Variants in LRMDA observed in about 807,000 individuals in gnomAD.
LRMDA encodes leucine-rich melanocyte differentiation-associated protein.
LRMDA carries 18 observed loss-of-function variants against 29.8 expected under a neutral mutation model. The ratio of observed to expected loss-of-function variants is 0.60; its 90% CI spans 0.42 to 0.90. LRMDA has a LOEUF of 0.90. Among genes scored for constraint, LRMDA ranks in the 40% least tolerant of loss-of-function variants. LRMDA has a pLI of 0.00. For synonymous variants in LRMDA, 125 were observed against 109.4 expected, an observed-to-expected ratio of 1.14 and a Z score of -0.89; for missense variants, 273 against 273.9, an observed-to-expected ratio of 1.00 and a Z score of 0.02.
At chr10:75,952,225 G>GT (rs1185190578) in intron 2 of LRMDA, among the ~76,000 whole-genome samples, 1 of 151,968 alleles carries the variant, frequency 6.6e-6, no homozygotes, top group African/African-American at 2.4e-5. Context: ...TCTTTCCTTG[G>GT]TTTTACCACG....
intron 5 of LRMDA, among the ~76,000 whole-genome samples, chr10:76,140,723 G>T (rs1321576302): frequency 6.6e-6 from 1 of 151,976 alleles, no homozygotes; most frequent in African/African-American, 2.4e-5. Flanking sequence ...TCTCTCATTT[G>T]AAGCTTCTCG....
chr10:76,466,598 C>T (rs974219295), intron 6 of LRMDA, among the ~76,000 whole-genome samples: 4 of 152,066 alleles, frequency 2.6e-5, no homozygotes, highest in African/African-American at 9.7e-5. Context: ...GAGTTTGAGA[C>T]CAGCCTGGGC....
chr10:75,653,081 C>G (rs182309868), intron 2 of LRMDA, among the ~76,000 whole-genome samples: 67 of 152,312 alleles, frequency 4.4e-4, no homozygotes, highest in African/African-American at 1.5e-3. Context: ...CCCACTCTGG[C>G]TTTAATGGAC....
chr10:75,781,343 A>C (rs1843380569), intron 2 of LRMDA, among the ~76,000 whole-genome samples: 2 of 152,200 alleles, frequency 1.3e-5, no homozygotes, highest in Non-Finnish European at 2.9e-5. Flanking sequence ...GACTCCTTTC[A>C]GACAGCTGCA....
chr10:75,984,306 G>C (rs938939616), intron 2 of LRMDA, among the ~76,000 whole-genome samples: 1 of 152,206 alleles, frequency 6.6e-6, no homozygotes, highest in African/African-American at 2.4e-5. Context: ...CCAGCAGGTG[G>C]AGGAGGAGAA....
chr10:76,002,259 T>C (rs1332900349), intron 2 of LRMDA, among the ~76,000 whole-genome samples: 5 of 152,094 alleles, frequency 3.3e-5, no homozygotes, highest in Non-Finnish European at 7.3e-5. Context: ...TAACCCCAAT[T>C]CTCTCCAAAT....
intron 2 of LRMDA, among the ~76,000 whole-genome samples, chr10:75,634,011 C>T (rs1841359648): frequency 6.6e-6 from 1 of 152,210 alleles, no homozygotes; most frequent in Non-Finnish European, 1.5e-5. Context: ...TTCATTCTAA[C>T]TTTCTGATCT....
At chr10:75,837,738 A>G (rs892075250) in intron 2 of LRMDA, among the ~76,000 whole-genome samples, 4 of 150,862 alleles carry the variant, frequency 2.7e-5, no homozygotes, top group African/African-American at 7.3e-5. Flanking sequence ...GATATTTACT[A>G]TCTACTATTT....
intron 2 of LRMDA, among the ~76,000 whole-genome samples, chr10:75,982,665 A>G (rs1316496961): frequency 6.6e-6 from 1 of 152,218 alleles, no homozygotes; most frequent in Non-Finnish European, 1.5e-5. Context: ...AGGACTCATC[A>G]AGGTGTGGCT....
At chr10:76,408,136 G>T (rs1005768044) in intron 6 of LRMDA, among the ~76,000 whole-genome samples, 5 of 152,188 alleles carry the variant, frequency 3.3e-5, no homozygotes, top group African/African-American at 9.7e-5. Context: ...GAACAATTGG[G>T]TTTTGATGAG....
intron 2 of LRMDA, among the ~76,000 whole-genome samples, chr10:75,980,752 A>G (rs1418343434): frequency 6.6e-6 from 1 of 152,132 alleles, no homozygotes; most frequent in African/African-American, 2.4e-5. Context: ...TCTTCTTACA[A>G]ATTGTACCTC....
At chr10:75,540,238 G>C (rs1840000190) in intron 2 of LRMDA, among the ~76,000 whole-genome samples, 1 of 152,186 alleles carries the variant, frequency 6.6e-6, no homozygotes, top group Admixed American at 6.5e-5. Flanking sequence ...CTGAAGGTGA[G>C]ATAGCTTGTG....
chr10:76,217,470 G>A (rs1851748871), intron 5 of LRMDA, among the ~76,000 whole-genome samples: 2 of 152,156 alleles, frequency 1.3e-5, no homozygotes, highest in Non-Finnish European at 1.5e-5. Flanking sequence ...GGGGGGAATG[G>A]TTATGAGAGT....
intron 2 of LRMDA, among the ~76,000 whole-genome samples, chr10:75,820,160 A>G (rs1054156414): frequency 9.2e-5 from 14 of 152,250 alleles, no homozygotes; most frequent in Admixed American, 6.5e-5. Flanking sequence ...AAATGGACCT[A>G]ATGGACATTT....
chr10:76,171,355 T>C (rs1290868174), intron 5 of LRMDA, among the ~76,000 whole-genome samples: 2 of 152,154 alleles, frequency 1.3e-5, no homozygotes, highest in African/African-American at 4.8e-5. Flanking sequence ...GCCAGGCTGG[T>C]CTTGAACTCC....
chr10:75,668,294 A>G (rs1197565534), intron 2 of LRMDA, among the ~76,000 whole-genome samples: 2 of 152,156 alleles, frequency 1.3e-5, no homozygotes, highest in Non-Finnish European at 2.9e-5. Flanking sequence ...TGTGATTCCC[A>G]TAGTACACAT....
At chr10:75,847,766 A>T (rs1441287698) in intron 2 of LRMDA, among the ~76,000 whole-genome samples, 1 of 152,220 alleles carries the variant, frequency 6.6e-6, no homozygotes, top group East Asian at 1.9e-4. Flanking sequence ...ATCACTAATC[A>T]TAAGGGGAAA....
intron 4 of LRMDA, among the ~76,000 whole-genome samples, chr10:76,056,919 A>G (rs970500166): frequency 6.6e-6 from 1 of 152,182 alleles, no homozygotes; most frequent in African/African-American, 2.4e-5. Context: ...TGCCAGCTCC[A>G]TAGAGCAAGC....
intron 6 of LRMDA, among the ~76,000 whole-genome samples, chr10:76,543,119 AAAT>A (rs749012677): frequency 3.3e-5 from 5 of 152,110 alleles, no homozygotes; most frequent in Non-Finnish European, 5.9e-5. Flanking sequence ...TGATTCTTTA[AAAT>A]GCCAATAGCA....
Sources: allele counts gnomAD v4.1 joint callset (sites outside exome capture counted in the v4.1 genomes callset), GRCh38; gene constraint gnomAD v4.1.1; transcripts MANE v1.5; gene names NCBI Gene and HGNC (gene_info 2026-07-23, HGNC 2026-07-21).